The following CCDC85A variants were observed in gnomAD, a reference collection of about 807,000 sequenced individuals.
The protein encoded by CCDC85A is coiled-coil domain-containing protein 85A.
A neutral mutation model predicts 50.2 loss-of-function variants in CCDC85A; 38 were observed. The ratio of observed to expected loss-of-function variants is 0.76; its 90% CI spans 0.58 to 0.99. The LOEUF (loss-of-function observed/expected upper bound fraction) is 0.99. Among genes scored for constraint, CCDC85A ranks in the 50% least tolerant of loss-of-function variants. CCDC85A has a pLI of 0.00. For synonymous variants in CCDC85A, 366 were observed against 301.4 expected (o/e 1.21, Z -2.22); for missense variants, 820 against 742.0 (o/e 1.11, Z -1.22).
chr2:56,220,908 C>G (rs1385754519), intron 2 of CCDC85A, among the ~76,000 whole-genome samples: 1 of 151,990 alleles, frequency 6.6e-6, no homozygotes, highest in East Asian at 1.9e-4. Context: ...GATGTAGGGT[C>G]TCTTGATTGG....
intron 2 of CCDC85A, among the ~76,000 whole-genome samples, chr2:56,284,872 A>G (rs1470540460): frequency 6.6e-6 from 1 of 152,192 alleles, no homozygotes; most frequent in African/African-American, 2.4e-5. Flanking sequence ...CTACAATAAT[A>G]ATCCTTGTCT....
intron 2 of CCDC85A, among the ~76,000 whole-genome samples, chr2:56,204,237 T>G (rs1308186994): frequency 6.6e-6 from 1 of 152,334 alleles, no homozygotes; most frequent in South Asian, 2.1e-4. Flanking sequence ...TACATACATT[T>G]ACTAAAGGGC....
chr2:56,325,822 T>G (rs62164363), intron 2 of CCDC85A, among the ~76,000 whole-genome samples: 17,010 of 152,128 alleles, frequency 0.11, 1,132 homozygotes, highest in East Asian at 0.33. Flanking sequence ...CTTAGCAGAT[T>G]CAAGCACTTT....
intron 2 of CCDC85A, among the ~76,000 whole-genome samples, chr2:56,330,137 A>G (rs1008537959): frequency 1.3e-5 from 2 of 152,026 alleles, no homozygotes; most frequent in African/African-American, 4.8e-5. Context: ...GGGAAATGAC[A>G]ATAACAGCAG....
At chr2:56,356,271 G>C (rs925543746) in intron 3 of CCDC85A, among the ~76,000 whole-genome samples, 2 of 152,208 alleles carry the variant, frequency 1.3e-5, no homozygotes, top group African/African-American at 4.8e-5. Context: ...TTCTCACAAA[G>C]AGTTTTAAGC....
At chr2:56,213,450 C>T (rs185561102) in intron 2 of CCDC85A, among the ~76,000 whole-genome samples, 3 of 152,034 alleles carry the variant, frequency 2.0e-5, no homozygotes, top group East Asian at 1.9e-4. Flanking sequence ...TCTTGTTTTA[C>T]GAAGAGTTCA....
intron 2 of CCDC85A, among the ~76,000 whole-genome samples, chr2:56,240,579 A>C (rs1019936999): frequency 6.6e-6 from 1 of 152,114 alleles, no homozygotes; most frequent in Non-Finnish European, 1.5e-5. Context: ...TCCACCAGTA[A>C]CACTTTCTGT....
At chr2:56,261,316 C>T (rs2104022518) in intron 2 of CCDC85A, among the ~76,000 whole-genome samples, 1 of 152,264 alleles carries the variant, frequency 6.6e-6, no homozygotes, top group East Asian at 1.9e-4. Context: ...TCTCTTTTCC[C>T]TTTATTGGTG....
intron 2 of CCDC85A, among the ~76,000 whole-genome samples, chr2:56,211,336 G>T (rs1207593291): frequency 3.9e-5 from 6 of 152,040 alleles, no homozygotes; most frequent in Non-Finnish European, 4.4e-5. Context: ...TGCACTTGCA[G>T]AAATATATTC....
chr2:56,323,183 T>C (rs1044118031), intron 2 of CCDC85A, among the ~76,000 whole-genome samples: 2 of 152,082 alleles, frequency 1.3e-5, no homozygotes, highest in Non-Finnish European at 2.9e-5. Flanking sequence ...TTAGGAGATA[T>C]ACCTAATGTA....
At chr2:56,233,224 G>A (rs1363366486) in intron 2 of CCDC85A, among the ~76,000 whole-genome samples, 2 of 152,148 alleles carry the variant, frequency 1.3e-5, no homozygotes, top group East Asian at 3.9e-4. Flanking sequence ...TACTTTCCCG[G>A]ATAGGCAAGG....
chr2:56,349,938 T>C (rs1237922566), intron 3 of CCDC85A, among the ~76,000 whole-genome samples: 1 of 151,962 alleles, frequency 6.6e-6, no homozygotes, highest in Non-Finnish European at 1.5e-5. Context: ...CAGTCTTAGG[T>C]TTGGCTATAT....
intron 2 of CCDC85A, among the ~76,000 whole-genome samples, chr2:56,320,545 A>C (rs1400633124): frequency 6.6e-6 from 1 of 152,198 alleles, no homozygotes; most frequent in Non-Finnish European, 1.5e-5. Context: ...TCTAGAAGAA[A>C]TGGATCAATT....
intron 3 of CCDC85A, among the ~76,000 whole-genome samples, chr2:56,356,187 A>G (rs1675216885): frequency 6.6e-6 from 1 of 152,256 alleles, no homozygotes; most frequent in Admixed American, 6.5e-5. Flanking sequence ...ATTGGTCGTT[A>G]TGCTTTTGGG....
At position 56,190,929 on chromosome 2, in the gene CCDC85A, C is replaced by A. The variant is rs150781149; in HGVS notation, c.277-1548C>A. Among the ~76,000 whole-genome samples the A allele has an allele frequency of 3.8e-4, 58 of 152,336 alleles. No homozygotes were observed. In the East Asian group the frequency reaches 9.1e-3, roughly 24 times the overall value. On this transcript the variant is annotated intron_variant, in intron 1 of 5. Transcript: ENST00000407595. ...CACTCCTCTATCCTCAGCTCCCTAA[C>A]AACCCAAAGCCTTTCCCGTCGCTGA...
chr2:56,229,281 G>A lies in CCDC85A; in HGVS notation c.1240+35841G>A, dbSNP rs76274942. Reference sequence around the variant, plus strand: ...GAGCTTAATTATACGTGATTAAGACGTAGACTTATGTCTGTAAATTTGTAC... The same window carrying A: ...GAGCTTAATTATACGTGATTAAGACATAGACTTATGTCTGTAAATTTGTAC... On this transcript the variant is annotated intron_variant, in intron 2 of 5. Transcript: ENST00000407595. Among the ~76,000 whole-genome samples the A allele has an allele frequency of 2.0e-3, 298 of 152,258 alleles. 3 individuals carry two copies. Among genetic ancestry groups the A allele is most frequent in the African/African-American group, 5.0e-3 (206 of 41,546 alleles).
chr2:56,277,078 T>G (rs887074210), intron 2 of CCDC85A, among the ~76,000 whole-genome samples: 1 of 152,214 alleles, frequency 6.6e-6, no homozygotes, highest in African/African-American at 2.4e-5. Flanking sequence ...CCTCTCTTTC[T>G]GATTATTCTT....
At chr2:56,338,090 A>T (rs570516811) in intron 2 of CCDC85A, among the ~76,000 whole-genome samples, 1 of 152,120 alleles carries the variant, frequency 6.6e-6, no homozygotes, top group African/African-American at 2.4e-5. Flanking sequence ...CTCCTTTTTT[A>T]ATGCATTATA....
At chr2:56,296,679 C>T (rs182518389) in intron 2 of CCDC85A, among the ~76,000 whole-genome samples, 1 of 152,222 alleles carries the variant, frequency 6.6e-6, no homozygotes, top group Non-Finnish European at 1.5e-5. Flanking sequence ...GGTTGTACAT[C>T]TGGGGCATGA....
Sources: allele counts gnomAD v4.1 joint callset (sites outside exome capture counted in the v4.1 genomes callset), GRCh38; gene constraint gnomAD v4.1.1; transcripts MANE v1.5; gene names NCBI Gene and HGNC (gene_info 2026-07-23, HGNC 2026-07-21).